Variants in HIP1 observed in about 807,000 individuals in gnomAD.
HIP1 encodes the protein huntingtin-interacting protein 1.
In HIP1, 65 loss-of-function variants were observed where a neutral mutation model predicts 147.6. The observed-to-expected ratio is 0.44, with a 90% CI of 0.36 to 0.54. The LOEUF is 0.54. HIP1 is among the 20% of genes least tolerant of loss of function. HIP1 has a pLI of 0.00. For synonymous variants in HIP1, 479 were observed against 504.0 expected (o/e 0.95, Z 0.67); for missense variants, 1,061 against 1,299.6 (o/e 0.82, Z 2.82).
At chr7:75,682,441 C>G (rs76337805) in intron 1 of HIP1, among the ~76,000 whole-genome samples, 5 of 141,548 alleles carry the variant, frequency 3.5e-5, no homozygotes. Context: ...TTTTTTTTTT[C>G]TAAAGGTGGG....
chr7:75,713,621 G>C (rs1554520283), intron 1 of HIP1, among the ~76,000 whole-genome samples: 1 of 152,070 alleles, frequency 6.6e-6, no homozygotes, highest in Non-Finnish European at 1.5e-5. Context: ...TGGGTCTCTA[G>C]AGTCCCCAGG....
At chr7:75,584,274 T>A (rs150969018) in intron 5 of HIP1, among the ~76,000 whole-genome samples, 1,611 of 152,060 alleles carry the variant, frequency 0.011, 13 homozygotes, top group Non-Finnish European at 0.017. Context: ...AAAAAAAATT[T>A]TTTTTAAGAG....
At chr7:75,678,797 C>T (rs1799976290) in intron 1 of HIP1, among the ~76,000 whole-genome samples, 1 of 152,116 alleles carries the variant, frequency 6.6e-6, no homozygotes, top group African/African-American at 2.4e-5. Flanking sequence ...GGACCCCCTC[C>T]TAGGGGCTTG....
At position 75,568,872 on chromosome 7, in the gene HIP1, G is replaced by A. The variant is rs587655586; in HGVS notation, c.746-616C>T. Among the ~76,000 whole-genome samples the A allele has an allele frequency of 6.8e-4, 103 of 152,242 alleles. No homozygotes were observed. The highest frequency in any genetic ancestry group is 2.4e-3 in the African/African-American group (99 of 41,532). On this transcript the variant is annotated intron_variant, in intron 8 of 30. Transcript: ENST00000336926. The surrounding 1 kb of genome is among the most constrained non-coding windows in gnomAD (Gnocchi z 4.1). ...AAAAATACAGAAATTAGCCGGGCGC[G>A]GTGGCATGCGCCTGTAATCCCAGCT...
chr7:75,601,738 T>C (rs1554502982), intron 1 of HIP1, among the ~76,000 whole-genome samples: 1 of 151,990 alleles, frequency 6.6e-6, no homozygotes, highest in East Asian at 1.9e-4. Context: ...AAAGGCAGAG[T>C]TGAATGGTTG....
chr7:75,580,494 T>C (rs1032648789), intron 7 of HIP1, among the ~76,000 whole-genome samples: 1 of 151,856 alleles, frequency 6.6e-6, no homozygotes. Flanking sequence ...TCCCAGAACT[T>C]TGGGAGGCTG....
intron 2 of HIP1, among the ~76,000 whole-genome samples, chr7:75,593,859 T>C (rs1208961442): frequency 1.3e-5 from 2 of 152,100 alleles, no homozygotes; most frequent in Non-Finnish European, 2.9e-5. Context: ...CACCTGGCCC[T>C]GTTCAGGGGC....
At position 75,709,716 on chromosome 7, in the gene HIP1, T is replaced by C. The variant is rs146451365; in HGVS notation, c.120+29085A>G. ...GCTCCGTTTAGGACTTCCAGTACTA[T>C]GTTGAATATAAGTGGCAAAGTTAGG... On this transcript the variant is annotated intron_variant, in intron 1 of 30. Transcript: ENST00000336926. Among the ~76,000 whole-genome samples, 1,151 of 152,312 alleles carry C rather than the reference T, an allele frequency of 7.6e-3. 18 individuals are homozygous for C. Among genetic ancestry groups the C allele is most frequent in the African/African-American group, 0.027 (1,104 of 41,572 alleles).
chr7:75,595,247 TCTTTCTTCCTTC>T (rs1441351459), intron 2 of HIP1, among the ~76,000 whole-genome samples: 643 of 82,664 alleles, frequency 7.8e-3, no homozygotes, highest in Middle Eastern at 0.021. Context: ...TTTCTTTCTT[TCTTTCTTCCTTC>T]CTTCCTTCCT....
intron 1 of HIP1, among the ~76,000 whole-genome samples, chr7:75,633,685 C>T (rs1402605002): frequency 6.6e-6 from 1 of 152,092 alleles, no homozygotes; most frequent in Non-Finnish European, 1.5e-5. Flanking sequence ...GGCAGGTCAC[C>T]CATCAGTCCT....
chr7:75,706,485 T>TA (rs2117339733), intron 1 of HIP1, among the ~76,000 whole-genome samples: 2 of 136,526 alleles, frequency 1.5e-5, no homozygotes, highest in African/African-American at 2.9e-5. Flanking sequence ...TTTTTTTTAT[T>TA]TTTTTTTTAT....
intron 1 of HIP1, among the ~76,000 whole-genome samples, chr7:75,659,101 G>A (rs782258142): frequency 4.6e-5 from 7 of 152,112 alleles, no homozygotes; most frequent in South Asian, 2.1e-4. Flanking sequence ...ATTTTGTCTC[G>A]TCCTACTTCT....
chr7:75,644,982 G>T (rs146703602), intron 1 of HIP1, among the ~76,000 whole-genome samples: 88 of 152,252 alleles, frequency 5.8e-4, no homozygotes, highest in African/African-American at 2.0e-3. Context: ...CTTTCTGGGG[G>T]CATGATTACA....
chr7:75,606,751 C>G (rs1035405572), intron 1 of HIP1, among the ~76,000 whole-genome samples: 8 of 152,026 alleles, frequency 5.3e-5, no homozygotes, highest in Non-Finnish European at 1.2e-4. Context: ...AGTGAACTAG[C>G]GGTAACGGTG....
intron 1 of HIP1, among the ~76,000 whole-genome samples, chr7:75,688,915 C>T (rs782776644): frequency 1.3e-5 from 2 of 152,180 alleles, no homozygotes; most frequent in Non-Finnish European, 2.9e-5. Flanking sequence ...TCCCCTGGCT[C>T]AGGTCCACCC....
At chr7:75,570,928 T>C (rs1322479147) in intron 8 of HIP1, among the ~76,000 whole-genome samples, 2 of 152,050 alleles carry the variant, frequency 1.3e-5, no homozygotes, top group Non-Finnish European at 2.9e-5. Context: ...GAGAATTGCT[T>C]GAACCTGGGA....
At chr7:75,676,647 G>T (rs1473665398) in intron 1 of HIP1, among the ~76,000 whole-genome samples, 2 of 151,594 alleles carry the variant, frequency 1.3e-5, no homozygotes, top group Non-Finnish European at 2.9e-5. Context: ...CTGGTGGTGT[G>T]TGCCTGTAAT....
intron 1 of HIP1, among the ~76,000 whole-genome samples, chr7:75,648,339 A>C (rs1293475481): frequency 1.3e-5 from 2 of 151,254 alleles, no homozygotes; most frequent in East Asian, 1.9e-4. Context: ...GTTGGAGTAG[A>C]TGAGGCTGGT....
In HIP1 at chr7:75,533,497, T is replaced by G. The variant is rs587705140; in HGVS notation, c.*4675A>C. 7 of 232,194 alleles carry G rather than the reference T, an allele frequency of 3.0e-5. No homozygotes were observed. In the South Asian group the frequency reaches 7.3e-4, roughly 24 times the overall value. The allele number at this position is 232,194 out of a possible 1,614,324, so 14.4% of individuals were successfully genotyped here. A position where few individuals can be genotyped will look rare whatever the true frequency, so the allele number is the denominator to read the frequency against. On this transcript the variant is annotated 3_prime_UTR_variant, in exon 31 of 31. Coordinates refer to ENST00000336926, the MANE Select transcript of HIP1 (RefSeq NM_005338.7). ...CCTAATGGAAACCCAGGGGAAAGGT[T>G]AAAAACAGAAGAAAAACAAACCCAA...
Sources: gnomAD v4.1 joint callset for allele counts (sites outside exome capture counted in the v4.1 genomes callset) on GRCh38, gnomAD v4.1.1 for gene constraint, Gnocchi (gnomAD v3.1) non-coding constraint, MANE v1.5 for transcripts, NCBI Gene and HGNC (gene_info 2026-07-23, HGNC 2026-07-21) for gene names.